TRPC5: variants seen among roughly 807,000 people sequenced by gnomAD.
TRPC5 encodes short transient receptor potential channel 5.
Under a neutral mutation model 56.5 loss-of-function variants are expected in TRPC5, and 9 were observed. The observed-to-expected ratio is 0.16, with a 90% CI of 0.10 to 0.28. TRPC5 has a LOEUF of 0.28. Among genes scored for constraint, TRPC5 ranks in the 10% least tolerant of loss-of-function variants. TRPC5 has a pLI of 1.00. For missense variants in TRPC5, 469 were observed against 748.9 expected (o/e 0.63, Z 4.36); for synonymous variants, 282 against 278.5 (o/e 1.01, Z -0.13).
At chrX:111,968,644 C>A (rs1384097830) in intron 1 of TRPC5, among the ~76,000 whole-genome samples, 7 of 108,886 alleles carry the variant, frequency 6.4e-5, no homozygotes, top group African/African-American at 2.3e-4. Flanking sequence ...ACTATGCAGC[C>A]ATAAAAAATG....
In TRPC5 at chrX:111,776,760, T is replaced by G; in HGVS notation, c.2475A>C (p.Gly825=). ...TGCTTGATGACTCAGCTTTTGACTT[T>G]CCTTGGGCACCACTGGACCTTGGCA... ...RTMPRSSGAQ[G]KSKAESSSKR... Residue 825 remains glycine (G), a synonymous_variant, in exon 11 of 11, where the codon GGA becomes GGC. Transcript: ENST00000262839. 8.3e-7 allele frequency: 1 copy of G among 1,210,858 alleles called. No individual in the cohort carries two copies. The highest frequency in any genetic ancestry group is 1.1e-6 in the Non-Finnish European group (1 of 895,158).
intron 7 of TRPC5, among the ~76,000 whole-genome samples, chrX:111,804,672 G>A (rs953067531): frequency 1.5e-4 from 17 of 111,406 alleles, no homozygotes; most frequent in African/African-American, 5.6e-4. Context: ...TTGGTGTATA[G>A]GAATGCTTGT....
rs758851770 is a variant in TRPC5, at chrX:111,911,121, C to T, written c.900+1170G>A. 9.9e-4 allele frequency among the ~76,000 whole-genome samples: 111 copies of T among 111,647 alleles called. 1 individual carries two copies. The highest frequency in any genetic ancestry group is 3.4e-3 in the African/African-American group (104 of 30,708). ...TTTGTTTTTTGCCTCATTTCTAAGGCGTGGTAGTTTTATTTTTGCCTGAGA... is the reference window on the plus strand; with the variant it reads ...TTTGTTTTTTGCCTCATTTCTAAGGTGTGGTAGTTTTATTTTTGCCTGAGA... On this transcript the variant is annotated intron_variant, in intron 3 of 10. Transcript: ENST00000262839.
At chrX:111,926,215 T>C (rs1926253780) in intron 2 of TRPC5, among the ~76,000 whole-genome samples, 1 of 110,914 alleles carries the variant, frequency 9.0e-6, no homozygotes, top group East Asian at 2.9e-4. Context: ...CATACTCCCA[T>C]CAGTACAGTG....
At chrX:112,069,700 G>A (rs1024787377) in intron 1 of TRPC5, among the ~76,000 whole-genome samples, 31 of 111,931 alleles carry the variant, frequency 2.8e-4, no homozygotes, top group Non-Finnish European at 1.9e-4. Flanking sequence ...CTCCTTCCCT[G>A]ACTTCTGCTC....
At chrX:111,905,928 A>AG (rs1307899404) in intron 3 of TRPC5, among the ~76,000 whole-genome samples, 4 of 106,145 alleles carry the variant, frequency 3.8e-5, no homozygotes, top group African/African-American at 1.1e-4. Flanking sequence ...AAAAAAAAAA[A>AG]AAAGAAAGAA....
At chrX:111,908,758 T>G (rs1304024700) in intron 3 of TRPC5, among the ~76,000 whole-genome samples, 1 of 112,415 alleles carries the variant, frequency 8.9e-6, no homozygotes, top group African/African-American at 3.2e-5. Flanking sequence ...GAAATTACTT[T>G]GATTACTTAC....
chrX:111,841,490 T>G (rs774586174), intron 6 of TRPC5, among the ~76,000 whole-genome samples: 1 of 111,981 alleles, frequency 8.9e-6, no homozygotes, highest in Non-Finnish European at 1.9e-5. Context: ...ATAACAACAC[T>G]GTCTACCTGA....
intron 1 of TRPC5, among the ~76,000 whole-genome samples, chrX:112,075,834 A>T (rs1435221895): frequency 8.9e-6 from 1 of 111,903 alleles, no homozygotes; most frequent in Admixed American, 9.5e-5. Context: ...CAAAGAAATT[A>T]GGACTTCAGT....
At chrX:111,942,938 A>AT (rs1331815068) in intron 2 of TRPC5, among the ~76,000 whole-genome samples, 12 of 111,895 alleles carry the variant, frequency 1.1e-4, no homozygotes, top group African/African-American at 3.9e-4. Context: ...TGCTTAATAC[A>AT]TTTTTTTAAT....
Position 111,963,134 on chromosome X carries a change from C to T in TRPC5, c.-21-10693G>A, listed in dbSNP as rs188847544. ...TCGGGTCACTCCCACCCTAATACTG[C>T]GCTTTTCAACAGGCTTAAAAAATGG... On this transcript the variant is annotated intron_variant, in intron 1 of 10. Coordinates refer to ENST00000262839, the MANE Select transcript of TRPC5 (RefSeq NM_012471.3). Among the ~76,000 whole-genome samples, 550 of 112,290 alleles carry T rather than the reference C, an allele frequency of 4.9e-3. 2 individuals are homozygous for T. The highest frequency in any genetic ancestry group is 0.017 in the African/African-American group (512 of 30,947).
In TRPC5 at chrX:112,050,554, T is replaced by C. The variant is rs187575746; in HGVS notation, c.-22+31325A>G. Reference sequence around the variant, plus strand: ...AACCTACTCTTCAGTAAGAAAATCATTGGAGTCAGAAAGGGCATTAATATT... The same window carrying C: ...AACCTACTCTTCAGTAAGAAAATCACTGGAGTCAGAAAGGGCATTAATATT... On this transcript the variant is annotated intron_variant, in intron 1 of 10. Transcript: ENST00000262839. 1.5e-4 allele frequency among the ~76,000 whole-genome samples: 17 copies of C among 112,125 alleles called. No individual in the cohort carries two copies. In the East Asian group the frequency reaches 2.3e-3, roughly 15 times the overall value.
At chrX:111,962,205 A>G (rs1927402841) in intron 1 of TRPC5, among the ~76,000 whole-genome samples, 1 of 111,701 alleles carries the variant, frequency 9.0e-6, no homozygotes, top group Admixed American at 9.5e-5. Flanking sequence ...AAACAAGCAC[A>G]TGTATCCCCA....
At chrX:111,962,231 A>T (rs944285805) in intron 1 of TRPC5, among the ~76,000 whole-genome samples, 1 of 111,977 alleles carries the variant, frequency 8.9e-6, no homozygotes, top group Non-Finnish European at 1.9e-5. Flanking sequence ...AAATAAAATT[A>T]AAAAAAGAAA....
At chrX:111,803,577 G>C (rs1432735075) in intron 7 of TRPC5, among the ~76,000 whole-genome samples, 1 of 112,475 alleles carries the variant, frequency 8.9e-6, no homozygotes, top group Non-Finnish European at 1.9e-5. Context: ...TTGTGGTTTT[G>C]ATTTGCATTT....
At chrX:111,874,420 A>G (rs1923856051) in intron 3 of TRPC5, among the ~76,000 whole-genome samples, 1 of 112,300 alleles carries the variant, frequency 8.9e-6, no homozygotes, top group Non-Finnish European at 1.9e-5. Context: ...TCTGTGGAGT[A>G]TCAAGACCGT....
intron 1 of TRPC5, among the ~76,000 whole-genome samples, chrX:111,990,285 G>A (rs1369112542): frequency 2.7e-5 from 3 of 110,500 alleles, no homozygotes; most frequent in African/African-American, 9.9e-5. Context: ...AGGCATGGTG[G>A]TGGGCACCTG....
rs1475721246 is a variant in TRPC5, at chrX:111,781,834, G to A, written c.2100+101C>T. On this transcript the variant is annotated intron_variant, in intron 8 of 10. Coordinates refer to ENST00000262839, the MANE Select transcript of TRPC5 (RefSeq NM_012471.3). ...TGCTTGAACCCAGGCAGCAGAGGTT[G>A]GCAGTGACCCGAGACCGTGCCACTG... 1.5e-5 allele frequency: 11 copies of A among 719,555 alleles called. No homozygotes were observed. The South Asian group carries it at 3.1e-4, about 20-fold the overall frequency. The allele number at this position is 719,555 out of a possible 1,213,427, so 59.3% of individuals were successfully genotyped here.
intron 1 of TRPC5, among the ~76,000 whole-genome samples, chrX:111,986,235 A>G (rs768991212): frequency 9.0e-6 from 1 of 110,835 alleles, no homozygotes; most frequent in East Asian, 2.8e-4. Flanking sequence ...AGTATTTTCT[A>G]ACTCCATAAG....
Sources: allele counts gnomAD v4.1 joint callset (sites outside exome capture counted in the v4.1 genomes callset), GRCh38; gene constraint gnomAD v4.1.1; transcripts MANE v1.5; gene names NCBI Gene and HGNC (gene_info 2026-07-23, HGNC 2026-07-21).